The following APOL2 variants were observed in gnomAD, a reference collection of about 807,000 sequenced individuals.
APOL2 encodes the protein apolipoprotein L2, also known as apolipoprotein L, 2.
In APOL2, 8 loss-of-function variants were observed where a neutral mutation model predicts 7.1. The observed-to-expected ratio is 1.12, with a 90% CI of 0.66 to 2.03. The LOEUF is 2.03. Ranked by LOEUF, APOL2 falls within the 30% of genes most tolerant of loss-of-function variation. APOL2 has a pLI of 0.00. For synonymous variants in APOL2, 177 were observed against 159.9 expected, an observed-to-expected ratio of 1.11 and a Z score of -0.81; for missense variants, 471 against 415.1, an observed-to-expected ratio of 1.13 and a Z score of -1.17.
At chr22:36,228,413 A>G (rs2015099829) in intron 4 of APOL2, 133 bp from the exon 5 acceptor site, 12 of 1,191,638 alleles carry the variant, frequency 1.0e-5, no homozygotes, top group Non-Finnish European at 1.4e-5. Context: ...TTACAAATGG[A>G]ATTAATTATC....
intron 4 of APOL2, among the ~76,000 whole-genome samples, chr22:36,228,790 C>T (rs987977137): frequency 2.6e-5 from 4 of 152,270 alleles, no homozygotes; most frequent in South Asian, 2.1e-4. Context: ...GATTTGGCCA[C>T]GGGACAGTAT....
intron 1 of APOL2, among the ~76,000 whole-genome samples, chr22:36,235,032 G>C (rs1395255789): frequency 6.6e-6 from 1 of 152,218 alleles, no homozygotes; most frequent in Non-Finnish European, 1.5e-5. Flanking sequence ...CTGAAGAAAT[G>C]ACAACTGAAT....
At chr22:36,230,796 T>C (rs1434299181) in intron 4 of APOL2, among the ~76,000 whole-genome samples, 1 of 152,098 alleles carries the variant, frequency 6.6e-6, no homozygotes, top group Non-Finnish European at 1.5e-5. Flanking sequence ...TCCTGCTGTG[T>C]TTGTGGAATT....
In APOL2 at chr22:36,227,368, C is replaced by T. The variant is rs375567929; in HGVS notation, c.*36G>A. The T allele has an allele frequency of 3.9e-4, 596 of 1,544,086 alleles. 3 individuals carry two copies. The highest frequency in any genetic ancestry group is 4.7e-4 in the Non-Finnish European group (540 of 1,148,550). On this transcript the variant is annotated 3_prime_UTR_variant, in exon 5 of 5. Coordinates refer to ENST00000358502, the MANE Select transcript of APOL2 (RefSeq NM_030882.4). ...TCTGCATTTTGTCCTGGCCTGTGCC[C>T]GGCATTTCTGCCCTGGTGGCTGCAC...
chr22:36,231,488 T>A (rs2015223415), intron 3 of APOL2, 22 bp from the exon 4 acceptor site: 1 of 1,611,150 alleles, frequency 6.2e-7, no homozygotes, highest in Non-Finnish European at 8.5e-7. Flanking sequence ...GAAGAAAGGA[T>A]AAGGTTGGAG....
rs1010430885 is a variant in APOL2, at chr22:36,231,551, T to G, written c.11-85A>C. 3.3e-6 allele frequency: 5 copies of G among 1,511,290 alleles called. No homozygotes were observed. In the Admixed American group the frequency reaches 5.2e-5, roughly 16 times the overall value. 93.6% of individuals were successfully genotyped at this position (1,511,290 alleles called of 1,614,324 possible). The stretch of plus-strand genomic sequence containing the variant: ...TGCACATTAGGTGGTTACATGTTAA[T>G]TTTTCCTGGACAACTGTGATGTGGG... On this transcript the variant is annotated intron_variant, in intron 3 of 4. Transcript: ENST00000358502.
chr22:36,227,694 G>C lies in APOL2; in HGVS notation c.724C>G (p.Pro242Ala), dbSNP rs751141741. 3.1e-6 allele frequency: 5 copies of C among 1,614,092 alleles called. No individual in the cohort carries two copies. Among genetic ancestry groups the C allele is most frequent in the Non-Finnish European group, 3.4e-6 (4 of 1,180,022 alleles). ...GAGATTCGCCCAATGACATGCGGGG[G>C]TGGGGCATACGCTCCTAACTGAGGG... Reference protein sequence around the residue: ...ANPQLGAYAPPPHVIGRISAE... With the variant: ...ANPQLGAYAPAPHVIGRISAE... The change falls in exon 5 of 5, where the codon CCC (proline) becomes GCC (alanine). Residue 242 changes from proline to alanine, a missense_variant. Transcript: ENST00000358502.
chr22:36,239,582 T>C (rs1381337556), upstream of APOL2: 1 of 1,433,466 alleles, frequency 7.0e-7, no homozygotes, highest in East Asian at 2.4e-5. Context: ...AAAGGGAAAG[T>C]GAAAGTCACA....
chr22:36,239,517 A>G lies in APOL2; in HGVS notation c.-210T>C, dbSNP rs758993364. The G allele has an allele frequency of 1.9e-6, 3 of 1,586,112 alleles. No individual in the cohort carries two copies. The highest frequency in any genetic ancestry group is 2.6e-6 in the Non-Finnish European group (3 of 1,172,922). The stretch of plus-strand genomic sequence containing the variant: ...GTGTGGATCCCACGTCCAGCTGTGC[A>G]TCTGTGTAATAACCAGACACGTCCT... On this transcript the variant is annotated 5_prime_UTR_variant, in exon 1 of 5. An upstream start codon of the reference 5' UTR is lost. Coordinates refer to ENST00000358502, the MANE Select transcript of APOL2 (RefSeq NM_030882.4).
chr22:36,233,101 C>G, intron 3 of APOL2, 52 bp downstream of exon 3: 1 of 1,576,452 alleles, frequency 6.3e-7, no homozygotes, highest in East Asian at 2.2e-5. Flanking sequence ...AGGTGCCACC[C>G]TCCATTCTAG....
rs148726405 is a variant in APOL2, at chr22:36,236,119, G to A, written c.-133-2664C>T. On this transcript the variant is annotated intron_variant, in intron 1 of 4. Transcript: ENST00000358502. ...TGTGCCACAAAACATGTGCAAACAT[G>A]GTGTACAACTCAGCTCCACAGTAAA... 9.2e-5 allele frequency among the ~76,000 whole-genome samples: 14 copies of A among 152,250 alleles called. No individual in the cohort carries two copies. In the East Asian group the frequency reaches 2.7e-3, roughly 29 times the overall value.
chr22:36,232,188 G>T (rs771253269), intron 3 of APOL2, among the ~76,000 whole-genome samples: 2 of 152,226 alleles, frequency 1.3e-5, no homozygotes, highest in Non-Finnish European at 2.9e-5. Flanking sequence ...ACTTGTCTCT[G>T]ACACTTTTTC....
upstream of APOL2, chr22:36,239,861 A>C: frequency 3.6e-6 from 1 of 276,006 alleles, no homozygotes; most frequent in Non-Finnish European, 7.0e-6. Flanking sequence ...CCCCGCCCCG[A>C]TCTCTGCAGT....
In APOL2 at chr22:36,233,262, T is replaced by C. The variant is rs6000212; in HGVS notation, c.-79-21A>G. The C allele has an allele frequency of 2.0e-5, 33 of 1,613,450 alleles. No individual in the cohort carries two copies. The African/African-American group carries it at 4.0e-4, about 20-fold the overall frequency. Reference sequence around the variant, plus strand: ...TAACCCTTGAGAACGAGAAAACAAATTGTGGGATCGAAGGTGAGCCTCCTG... The same window carrying C: ...TAACCCTTGAGAACGAGAAAACAAACTGTGGGATCGAAGGTGAGCCTCCTG... On this transcript the variant is annotated intron_variant, in intron 2 of 4. Transcript: ENST00000358502.
chr22:36,227,315 C>CAAAA lies in APOL2; in HGVS notation c.*85_*88dup. 33 of 961,056 alleles carry CAAAA rather than the reference C, an allele frequency of 3.4e-5. No individual in the cohort carries two copies. Among genetic ancestry groups the CAAAA allele is most frequent in the East Asian group, 6.2e-5 (2 of 32,262 alleles). 59.5% of individuals were successfully genotyped at this position (961,056 alleles called of 1,614,324 possible). On this transcript the variant is annotated 3_prime_UTR_variant, in exon 5 of 5. Transcript: ENST00000358502. ...TGGGCGATAGAGCGAGACTCCATCT[C>CAAAA]AAAAAAAAAAAAAAAAAAAAAAAAA...
At chr22:36,239,123 C>T (rs559764510) in intron 1 of APOL2, 35 of 1,200,528 alleles carry the variant, frequency 2.9e-5, no homozygotes, top group Admixed American at 4.0e-5. Context: ...AGATGGGCAC[C>T]CCCAACACCT....
At position 36,232,797 on chromosome 22, in the gene APOL2, A is replaced by C. The variant is rs552352938; in HGVS notation, c.10+356T>G. Among the ~76,000 whole-genome samples the C allele has an allele frequency of 2.0e-5, 3 of 152,188 alleles. No individual in the cohort carries two copies. The East Asian group carries it at 5.8e-4, about 29-fold the overall frequency. The stretch of plus-strand genomic sequence containing the variant: ...GCGGTAGATAAGAGATCAGGGCTGC[A>C]GGTCAACCTCCTCTCCCACCCCTCC... On this transcript the variant is annotated intron_variant, in intron 3 of 4. Coordinates refer to ENST00000358502, the MANE Select transcript of APOL2 (RefSeq NM_030882.4).
chr22:36,236,160 C>T (rs2015398481), intron 1 of APOL2, among the ~76,000 whole-genome samples: 1 of 152,190 alleles, frequency 6.6e-6, no homozygotes, highest in South Asian at 2.1e-4. Flanking sequence ...TTTAAAACAT[C>T]ACAAAATGTA....
chr22:36,227,503 C>T lies in APOL2; in HGVS notation c.915G>A (p.Glu305=). The change falls in exon 5 of 5, where the codon GAG becomes GAA. Residue 305 remains glutamate, a synonymous_variant. Transcript: ENST00000358502. ...CCCGCTTCTTCAGCTCCTCAGCTGA[C>T]TCTGACTTTGCCCCCTCAAGCAAGT... ...SKHLLEGAKS[E]SAEELKKRAQ... 1.2e-6 allele frequency: 2 copies of T among 1,614,166 alleles called. No individual in the cohort carries two copies. The highest frequency in any genetic ancestry group is 8.5e-7 in the Non-Finnish European group (1 of 1,180,024).
Sources: allele counts gnomAD v4.1 joint callset (sites outside exome capture counted in the v4.1 genomes callset), GRCh38; gene constraint gnomAD v4.1.1; transcripts MANE v1.5; gene names NCBI Gene and HGNC (gene_info 2026-07-23, HGNC 2026-07-21).